The following NFIB variants were observed in gnomAD, a reference collection of about 807,000 sequenced individuals.
The protein encoded by NFIB is nuclear factor I B.
NFIB carries 11 observed loss-of-function variants against 61.5 expected under a neutral mutation model. The ratio of observed to expected loss-of-function variants is 0.18; its 90% confidence interval spans 0.11 to 0.30. The LOEUF (loss-of-function observed/expected upper bound fraction) is 0.30. NFIB is among the 10% of genes least tolerant of loss of function. The probability of loss-of-function intolerance (pLI) is 1.00; values close to 1 mark genes in which losing one functional copy is unlikely to be tolerated. For missense variants in NFIB, 471 were observed against 608.9 expected (o/e 0.77, Z 2.38); for synonymous variants, 260 against 216.5 (o/e 1.20, Z -1.76).
chr9:14,398,722 T>C, exon 1 of NFIB: 2 of 844,846 alleles, frequency 2.4e-6, no homozygotes, highest in Admixed American at 2.9e-5. Flanking sequence ...ACCGAGTACC[T>C]TAGCAAACGC....
chr9:14,283,951 CATT>C (rs1460912978), intron 2 of NFIB, among the ~76,000 whole-genome samples: 2 of 152,216 alleles, frequency 1.3e-5, no homozygotes, highest in Admixed American at 1.3e-4. Flanking sequence ...TTCATACACA[CATT>C]ATTATAAAAT....
chr9:14,255,283 G>A (rs983660541), intron 2 of NFIB, among the ~76,000 whole-genome samples: 3 of 152,130 alleles, frequency 2.0e-5, no homozygotes, highest in South Asian at 2.1e-4. Flanking sequence ...TTAACACTTG[G>A]ACATTTTTTG....
chr9:14,447,101 G>C, the NFIB span, among the ~76,000 whole-genome samples: 1 of 152,022 alleles, frequency 6.6e-6, no homozygotes, highest in Non-Finnish European at 1.5e-5. Flanking sequence ...TATTTCATAG[G>C]TTCAATGTAG....
the NFIB span, among the ~76,000 whole-genome samples, chr9:14,501,354 C>T: frequency 2.0e-5 from 3 of 152,148 alleles, no homozygotes; most frequent in Non-Finnish European, 4.4e-5. Flanking sequence ...CCTTTCTGGC[C>T]TCTTTGGTAT....
chr9:14,295,351 C>A (rs766635303), intron 2 of NFIB, among the ~76,000 whole-genome samples: 4 of 152,084 alleles, frequency 2.6e-5, no homozygotes, highest in African/African-American at 2.4e-5. Context: ...GTTGGCCGGG[C>A]GCGGTGGCTC....
intron 2 of NFIB, among the ~76,000 whole-genome samples, chr9:14,301,389 A>G (rs1460336867): frequency 1.3e-5 from 2 of 152,250 alleles, no homozygotes; most frequent in East Asian, 1.9e-4. Context: ...ATCCAAATAC[A>G]TAATCTAACT....
Position 14,179,956 on chromosome 9 carries a change from G to A in NFIB, c.563-176C>T, listed in dbSNP as rs2046582773. On this transcript the variant is annotated intron_variant, in intron 2 of 10. Coordinates refer to ENST00000380953, the MANE Select transcript of NFIB (RefSeq NM_001190737.2). ...ATTTTACTCATCAAACTACATGAAT[G>A]CATATACATATTTCTATGTCAAAAG... is the stretch of plus-strand genomic sequence containing the variant. Among the ~76,000 whole-genome samples the A allele has an allele frequency of 2.6e-5, 4 of 152,064 alleles. No individual in the cohort carries two copies. The South Asian group carries it at 8.3e-4, about 32-fold the overall frequency.
At chr9:14,134,644 C>T (rs550646911) in intron 6 of NFIB, among the ~76,000 whole-genome samples, 1 of 152,090 alleles carries the variant, frequency 6.6e-6, no homozygotes, top group African/African-American at 2.4e-5. Flanking sequence ...GTAATCCCAG[C>T]ACTTTGGGAG....
At chr9:14,210,409 C>T (rs1009962377) in intron 2 of NFIB, among the ~76,000 whole-genome samples, 2 of 151,590 alleles carry the variant, frequency 1.3e-5, no homozygotes, top group African/African-American at 4.9e-5. Flanking sequence ...TTAAAAATAA[C>T]GAAAAATGAA....
chr9:14,459,248 C>G, the NFIB span, among the ~76,000 whole-genome samples: 65 of 152,224 alleles, frequency 4.3e-4, no homozygotes, highest in Admixed American at 3.8e-3. Context: ...ACAAACCTGC[C>G]AAAAACAAGA....
chr9:14,107,472 G>C (rs1352429383), intron 10 of NFIB, among the ~76,000 whole-genome samples: 1 of 152,038 alleles, frequency 6.6e-6, no homozygotes, highest in Non-Finnish European at 1.5e-5. Context: ...TCCATGAGCA[G>C]AATAAACATT....
At chr9:14,255,413 T>C (rs985767642) in intron 2 of NFIB, among the ~76,000 whole-genome samples, 1 of 152,212 alleles carries the variant, frequency 6.6e-6, no homozygotes, top group Non-Finnish European at 1.5e-5. Context: ...CACATATCAA[T>C]GACTGTGAGC....
At chr9:14,101,456 T>A (rs765553545) in intron 10 of NFIB, among the ~76,000 whole-genome samples, 1 of 152,188 alleles carries the variant, frequency 6.6e-6, no homozygotes, top group African/African-American at 2.4e-5. Context: ...AATATGGAGA[T>A]AGGCAGACGA....
At chr9:14,090,947 G>C (rs1198281525) in intron 10 of NFIB, among the ~76,000 whole-genome samples, 1 of 151,916 alleles carries the variant, frequency 6.6e-6, no homozygotes, top group Non-Finnish European at 1.5e-5. Flanking sequence ...ATTATTCTTT[G>C]GAAAATGTTC....
chr9:14,266,625 C>G (rs778491460), intron 2 of NFIB, among the ~76,000 whole-genome samples: 1 of 151,862 alleles, frequency 6.6e-6, no homozygotes, highest in Non-Finnish European at 1.5e-5. Context: ...AAGTAAAACC[C>G]AAGTCTTCAT....
intron 10 of NFIB, among the ~76,000 whole-genome samples, chr9:14,090,193 C>T (rs2118525889): frequency 6.6e-6 from 1 of 152,210 alleles, no homozygotes; most frequent in Admixed American, 6.5e-5. Flanking sequence ...ATCTACTTAG[C>T]ATTAACAAAA....
chr9:14,265,084 A>T (rs576090857), intron 2 of NFIB, among the ~76,000 whole-genome samples: 1 of 152,322 alleles, frequency 6.6e-6, no homozygotes, highest in Non-Finnish European at 1.5e-5. Context: ...ACTGGACCCG[A>T]ATTTATTGAT....
intron 1 of NFIB, among the ~76,000 whole-genome samples, chr9:14,390,113 G>A (rs1042532114): frequency 1.3e-5 from 2 of 152,114 alleles, no homozygotes; most frequent in African/African-American, 2.4e-5. Flanking sequence ...AACAGACCAG[G>A]AAAACTTCCA....
chr9:14,312,925 T>TC (rs1310732148), intron 1 of NFIB, among the ~76,000 whole-genome samples: 1 of 152,034 alleles, frequency 6.6e-6, no homozygotes, highest in African/African-American at 2.4e-5. Flanking sequence ...GGGTTTCAGA[T>TC]CCCCAAATAA....
Sources: allele counts gnomAD v4.1 joint callset (sites outside exome capture counted in the v4.1 genomes callset), GRCh38; gene constraint gnomAD v4.1.1; transcripts MANE v1.5; gene names NCBI Gene and HGNC (gene_info 2026-07-23, HGNC 2026-07-21).